GTPBP6: variants seen among roughly 807,000 people sequenced by gnomAD.
GTPBP6 encodes GTP binding protein 6, also known as putative GTP-binding protein 6.
A neutral mutation model predicts 28.9 loss-of-function variants in GTPBP6; 33 were observed. The ratio of observed to expected loss-of-function variants is 1.14; its 90% CI spans 0.87 to 1.53. The LOEUF (loss-of-function observed/expected upper bound fraction) is 1.53. Ranked by LOEUF, GTPBP6 falls within the 40% of genes most tolerant of loss-of-function variation. GTPBP6 has a pLI of 0.00. For synonymous variants in GTPBP6, 231 were observed against 192.7 expected, an observed-to-expected ratio of 1.20 and a Z score of -1.65; for missense variants, 507 against 408.3, an observed-to-expected ratio of 1.24 and a Z score of -2.08.
chrX:312,334 T>C, intron 6 of GTPBP6: 1 of 468,126 alleles, frequency 2.1e-6, no homozygotes, highest in South Asian at 1.6e-5. Flanking sequence ...GGGGTAGTGG[T>C]GCTGGTGTAG....
chrX:306,242 A>G (rs2070160502), intron 9 of GTPBP6, among the ~76,000 whole-genome samples: 1 of 148,444 alleles, frequency 6.7e-6, no homozygotes, highest in African/African-American at 2.6e-5. Flanking sequence ...CACCTGTTGT[A>G]TGCAGTCAGA....
chrX:311,403 G>GGCAGGGTGGGTGT lies in GTPBP6; in HGVS notation c.1125+15_1125+16insACACCCACCCTGC, dbSNP rs1486581832. 4.4e-6 allele frequency: 7 copies of GGCAGGGTGGGTGT among 1,592,920 alleles called. No homozygotes were observed. The highest frequency in any genetic ancestry group is 3.4e-5 in the Admixed American group (2 of 58,634). ...TGGGTGTCCGAGCACCCGATCCCCG[G>GGCAGGGTGGGTGT]CCGTCCCACGCTCACCGAGTGGGCC... On this transcript the variant is annotated intron_variant, in intron 7 of 9. Transcript: ENST00000326153.
At chrX:306,808 C>A (rs1432474976) in intron 9 of GTPBP6, among the ~76,000 whole-genome samples, 2 of 151,298 alleles carry the variant, frequency 1.3e-5, no homozygotes, top group Non-Finnish European at 2.9e-5. Context: ...TAATTAGGCA[C>A]CTGTTGTATC....
exon 2 of GTPBP6, chrX:316,964 G>A (rs2070450419): frequency 5.0e-6 from 2 of 398,672 alleles, no homozygotes; most frequent in Non-Finnish European, 4.4e-6. Context: ...CCTGTCCGGC[G>A]TTTTGGTGGA....
intron 4 of GTPBP6, 62 bp from the exon 5 acceptor site, chrX:314,279 G>C (rs1345704962): frequency 7.2e-7 from 1 of 1,386,860 alleles, no homozygotes; most frequent in Non-Finnish European, 1.0e-6. Flanking sequence ...GGCAGAGGTC[G>C]AGGTGAAGGT....
intron 7 of GTPBP6, among the ~76,000 whole-genome samples, chrX:309,724 G>C (rs1340996731): frequency 2.8e-5 from 4 of 144,500 alleles, no homozygotes; most frequent in Admixed American, 7.0e-5. Flanking sequence ...CCCTCACCTA[G>C]AGCCTCCAGA....
chrX:309,023 T>A (rs973305219), intron 7 of GTPBP6, among the ~76,000 whole-genome samples: 1 of 152,054 alleles, frequency 6.6e-6, no homozygotes, highest in African/African-American at 2.4e-5. Flanking sequence ...CCACACCCGG[T>A]CCATAATTTA....
chrX:307,411 G>C, exon 9 of GTPBP6: 1 of 1,612,508 alleles, frequency 6.2e-7, no homozygotes, highest in South Asian at 1.1e-5. Flanking sequence ...CTGTCTCCCC[G>C]TCGCCTTCAA....
chrX:314,153 A>G, exon 5 of GTPBP6: 1 of 1,610,678 alleles, frequency 6.2e-7, no homozygotes, highest in Non-Finnish European at 8.5e-7. Context: ...GAGTTACCTG[A>G]CCCCATGATG....
exon 1 of GTPBP6, chrX:318,659 G>A: frequency 2.5e-6 from 1 of 396,900 alleles, no homozygotes; most frequent in Non-Finnish European, 4.4e-6. Context: ...GATTCCCGGG[G>A]CTCCTGCGGC....
chrX:313,052 T>C lies in GTPBP6; in HGVS notation c.758-128A>G, dbSNP rs921276810. The C allele has an allele frequency of 6.7e-6, 5 of 747,090 alleles. No individual in the cohort carries two copies. The East Asian group carries it at 8.0e-5, about 12-fold the overall frequency. 46.3% of individuals were successfully genotyped at this position (747,090 alleles called of 1,614,324 possible). A position where few individuals can be genotyped will look rare whatever the true frequency, so the allele number is the denominator to read the frequency against. On this transcript the variant is annotated intron_variant, in intron 5 of 9. Coordinates refer to ENST00000326153, the Ensembl canonical transcript of GTPBP6. Reference sequence around the variant, plus strand: ...TCCAGCATCTGGGGGCCCGGCTGCTTTCCCCAGCAGCGGCCCCGACACGTC... The same window carrying C: ...TCCAGCATCTGGGGGCCCGGCTGCTCTCCCCAGCAGCGGCCCCGACACGTC...
At chrX:312,630 C>CCT in intron 6 of GTPBP6, 136 bp downstream of exon 6, 1 of 911,588 alleles carries the variant, frequency 1.1e-6, no homozygotes. Flanking sequence ...ATGGGAACCC[C>CCT]CTCTCCTGGG....
At position 314,143 on chromosome X, in the gene GTPBP6, G is replaced by C. The variant is rs376087719; in HGVS notation, c.757+7C>G. The stretch of plus-strand genomic sequence containing the variant: ...CCCTCTGGGACGCCGCGCCCGGCCC[G>C]AGTTACCTGACCCCATGATGTAGCG... On this transcript the variant is annotated splice_region_variant and intron_variant, in intron 5 of 9. Coordinates refer to ENST00000326153, the Ensembl canonical transcript of GTPBP6. 4 of 1,607,622 alleles carry C rather than the reference G, an allele frequency of 2.5e-6. No individual in the cohort carries two copies. The highest frequency in any genetic ancestry group is 1.4e-5 in the African/African-American group (1 of 74,018).
intron 9 of GTPBP6, among the ~76,000 whole-genome samples, 199 bp from the exon 10 acceptor site, chrX:305,396 A>T (rs1490722388): frequency 6.9e-6 from 1 of 144,096 alleles, no homozygotes; most frequent in Non-Finnish European, 1.5e-5. Context: ...ATCTCAGCTC[A>T]CTGCAAGCTC....
intron 1 of GTPBP6, 28 bp from the exon 2 acceptor site, chrX:317,079 A>G: frequency 2.5e-6 from 1 of 397,534 alleles, no homozygotes; most frequent in Non-Finnish European, 4.4e-6. Flanking sequence ...CCACCGTGAG[A>G]GACGCTTCTG....
exon 8 of GTPBP6, chrX:307,770 G>A: frequency 6.5e-7 from 1 of 1,527,282 alleles, no homozygotes; most frequent in Non-Finnish European, 8.8e-7. Flanking sequence ...CCTCCACCAT[G>A]GAGTCCAGGA....
chrX:307,470 C>T (rs1229585007), exon 9 of GTPBP6: 1 of 1,611,346 alleles, frequency 6.2e-7, no homozygotes, highest in Non-Finnish European at 8.5e-7. Context: ...CGTGGCCCCG[C>T]AGGGCAGACA....
intron 6 of GTPBP6, chrX:312,466 G>A (rs372325052): frequency 2.0e-4 from 101 of 498,076 alleles, no homozygotes; most frequent in African/African-American, 1.3e-3. Flanking sequence ...TAGATGGAGG[G>A]GAGATTGTGG....
At chrX:315,113 C>A (rs1261419756) in intron 3 of GTPBP6, 93 bp from the exon 4 acceptor site, 2 of 398,634 alleles carry the variant, frequency 5.0e-6, no homozygotes, top group Admixed American at 4.4e-5. Flanking sequence ...AATGCCTTAA[C>A]CCCACCGTGT....
Sources: gnomAD v4.1 joint callset for allele counts (sites outside exome capture counted in the v4.1 genomes callset) on GRCh38, gnomAD v4.1.1 for gene constraint, MANE v1.5 for transcripts, NCBI Gene and HGNC (gene_info 2026-07-23, HGNC 2026-07-21) for gene names.